SCN8A: variants seen among roughly 807,000 people sequenced by gnomAD.
SCN8A encodes the protein sodium voltage-gated channel alpha subunit 8.
A neutral mutation model predicts 184.1 loss-of-function variants in SCN8A; 30 were observed. The ratio of observed to expected loss-of-function variants is 0.16; its 90% CI spans 0.12 to 0.22. The LOEUF (loss-of-function observed/expected upper bound fraction) is 0.22. SCN8A is among the 10% of genes least tolerant of loss of function. SCN8A has a pLI of 1.00. For missense variants in SCN8A, 1,057 were observed against 2,498.9 expected (o/e 0.42, Z 12.30); for synonymous variants, 852 against 907.0 (o/e 0.94, Z 1.09).
At position 51,793,672 on chromosome 12, in the gene SCN8A, C is replaced by T. The variant is rs192157201; in HGVS notation, c.4525-699C>T. ...CAGCCAGAGTGTGTGGTGTCACAGA[C>T]GCAAAAGAGAAGTGGGTCAGCTGGG... is the stretch of plus-strand genomic sequence containing the variant. On this transcript the variant is annotated intron_variant, in intron 25 of 26. Transcript: ENST00000627620. 8.1e-4 allele frequency among the ~76,000 whole-genome samples: 124 copies of T among 152,182 alleles called. 2 individuals are homozygous for T. Among genetic ancestry groups the T allele is most frequent in the Admixed American group, 5.9e-4 (9 of 15,272 alleles).
intron 11 of SCN8A, chr12:51,712,480 A>T (rs532395176): frequency 1.3e-6 from 1 of 768,868 alleles, no homozygotes; most frequent in East Asian, 2.4e-5. Context: ...TTCTGCTACT[A>T]TATCCACCAC....
intron 1 of SCN8A, among the ~76,000 whole-genome samples, chr12:51,603,223 T>C (rs181028824): frequency 7.2e-5 from 11 of 152,358 alleles, no homozygotes; most frequent in African/African-American, 2.6e-4. Flanking sequence ...TCTCCATTCC[T>C]GTGGTGTTAC....
intron 6 of SCN8A, among the ~76,000 whole-genome samples, chr12:51,698,798 T>C (rs1941637282): frequency 6.6e-6 from 1 of 152,228 alleles, no homozygotes; most frequent in Non-Finnish European, 1.5e-5. Flanking sequence ...AAAGTATAAA[T>C]ACTGGATTAA....
intron 2 of SCN8A, among the ~76,000 whole-genome samples, chr12:51,670,322 G>T (rs1469871852): frequency 6.6e-6 from 1 of 152,150 alleles, no homozygotes; most frequent in Non-Finnish European, 1.5e-5. Flanking sequence ...AGGTGATCTT[G>T]GGCATGCTAT....
intron 11 of SCN8A, among the ~76,000 whole-genome samples, chr12:51,709,907 G>A (rs1941846118): frequency 6.6e-6 from 1 of 152,126 alleles, no homozygotes; most frequent in Admixed American, 6.5e-5. Flanking sequence ...GGAGTAGGAA[G>A]TTGAGGAAGA....
intron 20 of SCN8A, among the ~76,000 whole-genome samples, chr12:51,779,821 A>C (rs866998211): frequency 1.3e-5 from 2 of 152,252 alleles, no homozygotes; most frequent in Middle Eastern, 3.2e-3. Context: ...AAGAATGAGA[A>C]TTATAAGGAA....
intron 7 of SCN8A, among the ~76,000 whole-genome samples, chr12:51,700,091 G>A (rs1483015642): frequency 2.0e-5 from 3 of 151,810 alleles, no homozygotes; most frequent in East Asian, 3.9e-4. Flanking sequence ...GCTTGAACCC[G>A]GGAGGCGGAG....
intron 1 of SCN8A, among the ~76,000 whole-genome samples, chr12:51,652,908 A>G (rs1940746832): frequency 6.6e-6 from 1 of 152,238 alleles, no homozygotes; most frequent in African/African-American, 2.4e-5. Context: ...GGAGTGAGCT[A>G]TTATTCATCA....
intron 17 of SCN8A, 122 bp downstream of exon 17, chr12:51,769,457 G>A: frequency 1.5e-6 from 1 of 685,312 alleles, no homozygotes; most frequent in Non-Finnish European, 2.4e-6. Flanking sequence ...AATTTACTTG[G>A]AGAACTAATT....
chr12:51,798,212 C>T (rs1403146604), intron 26 of SCN8A, among the ~76,000 whole-genome samples: 1 of 152,188 alleles, frequency 6.6e-6, no homozygotes, highest in African/African-American at 2.4e-5. Flanking sequence ...CATGGTAACA[C>T]CAGTGAATTC....
chr12:51,749,412 G>A (rs773440800), intron 13 of SCN8A, among the ~76,000 whole-genome samples: 12 of 152,140 alleles, frequency 7.9e-5, no homozygotes, highest in Non-Finnish European at 1.2e-4. Context: ...CAACCTCCAC[G>A]TGCCAATGAG....
chr12:51,616,933 A>AG (rs1939853562), intron 1 of SCN8A, among the ~76,000 whole-genome samples: 1 of 151,816 alleles, frequency 6.6e-6, no homozygotes, highest in Non-Finnish European at 1.5e-5. Context: ...AAAAAAAAAA[A>AG]GTTTTACTGT....
intron 13 of SCN8A, 71 bp from the exon 14 acceptor site, chr12:51,751,284 A>G (rs1195451035): frequency 2.1e-6 from 2 of 958,128 alleles, no homozygotes; most frequent in Non-Finnish European, 3.3e-6. Flanking sequence ...ATAATGACTG[A>G]GAGTGAGTAG....
At chr12:51,664,010 A>G (rs1940979589) in intron 2 of SCN8A, among the ~76,000 whole-genome samples, 1 of 140,492 alleles carries the variant, frequency 7.1e-6, no homozygotes, top group African/African-American at 2.6e-5. Flanking sequence ...CCTGGTTTCA[A>G]GCAATTCTCC....
intron 1 of SCN8A, among the ~76,000 whole-genome samples, chr12:51,613,706 T>A (rs919859982): frequency 6.6e-6 from 1 of 152,118 alleles, no homozygotes; most frequent in African/African-American, 2.4e-5. Flanking sequence ...TCTTCTTTTC[T>A]AATATAATCT....
intron 1 of SCN8A, among the ~76,000 whole-genome samples, chr12:51,636,643 A>G (rs1940324683): frequency 6.6e-6 from 1 of 152,198 alleles, no homozygotes; most frequent in Admixed American, 6.5e-5. Flanking sequence ...TATTAAAATC[A>G]ATTTGCTTCC....
chr12:51,670,621 G>T (rs1343843504), intron 2 of SCN8A, among the ~76,000 whole-genome samples: 1 of 152,174 alleles, frequency 6.6e-6, no homozygotes, highest in African/African-American at 2.4e-5. Flanking sequence ...GTAAGGATAC[G>T]TGATGATAGC....
rs1353366891 is a variant in SCN8A at position 51,811,099 on chromosome 12, G to A, written c.*3670G>A. 2 of 152,136 alleles carry A rather than the reference G, an allele frequency of 1.3e-5. No individual in the cohort carries two copies. Among genetic ancestry groups the A allele is most frequent in the East Asian group, 3.8e-4 (2 of 5,202 alleles). The allele number at this position is 152,136 out of a possible 1,614,324, so 9.4% of individuals were successfully genotyped here. On this transcript the variant is annotated 3_prime_UTR_variant, in exon 27 of 27. Coordinates refer to ENST00000627620, the MANE Select transcript of SCN8A (RefSeq NM_001330260.2). ...CAAAATAAAAATGACCCTTTTTACT[G>A]TACAAGGGAAGCCTGTCTTGGTGTG...
intron 1 of SCN8A, among the ~76,000 whole-genome samples, chr12:51,632,234 C>T (rs1333425906): frequency 6.6e-6 from 1 of 152,146 alleles, no homozygotes; most frequent in East Asian, 1.9e-4. Flanking sequence ...TTCTTTCCTG[C>T]AGTACTCATT....
Sources: gnomAD v4.1 joint callset for allele counts (sites outside exome capture counted in the v4.1 genomes callset) on GRCh38, gnomAD v4.1.1 for gene constraint, MANE v1.5 for transcripts, NCBI Gene and HGNC (gene_info 2026-07-23, HGNC 2026-07-21) for gene names.